Variants in ASAP1 observed in about 807,000 individuals in gnomAD.
ASAP1 encodes arf-GAP with SH3 domain, ANK repeat and PH domain-containing protein 1.
Under a neutral mutation model 145.2 loss-of-function variants are expected in ASAP1, and 43 were observed. The ratio of observed to expected loss-of-function variants is 0.30; its 90% CI spans 0.23 to 0.38. ASAP1 has a LOEUF of 0.38. ASAP1 is among the 10% of genes least tolerant of loss of function. The probability of loss-of-function intolerance (pLI) is 1.00; values close to 1 mark genes in which losing one functional copy is unlikely to be tolerated. For synonymous variants in ASAP1, 546 were observed against 515.5 expected (o/e 1.06, Z -0.80); for missense variants, 1,018 against 1,355.3 (o/e 0.75, Z 3.91).
chr8:130,419,108 C>A (rs1829610573), intron 1 of ASAP1, among the ~76,000 whole-genome samples: 1 of 152,192 alleles, frequency 6.6e-6, no homozygotes, highest in Admixed American at 6.5e-5. Flanking sequence ...CATTGTCTCA[C>A]CCCAGCCAGT....
At chr8:130,193,403 AC>A (rs1344749326) in intron 5 of ASAP1, among the ~76,000 whole-genome samples, 1 of 151,542 alleles carries the variant, frequency 6.6e-6, no homozygotes, top group Non-Finnish European at 1.5e-5. Context: ...GACAAAAAAA[AC>A]CCCCAAAAAA....
At chr8:130,104,530 C>G (rs971050162) in intron 24 of ASAP1, among the ~76,000 whole-genome samples, 3 of 152,236 alleles carry the variant, frequency 2.0e-5, no homozygotes, top group Non-Finnish European at 4.4e-5. Context: ...CCAATGGAAA[C>G]TGGACACAGC....
chr8:130,110,448 T>A (rs776099531), intron 24 of ASAP1, among the ~76,000 whole-genome samples: 2 of 152,208 alleles, frequency 1.3e-5, no homozygotes, highest in Non-Finnish European at 2.9e-5. Flanking sequence ...AGAAAGAGAA[T>A]CTCTGCTCTC....
chr8:130,180,729 T>C (rs1444566163), intron 8 of ASAP1, 22 bp downstream of exon 8: 1 of 1,598,224 alleles, frequency 6.3e-7, no homozygotes, highest in Admixed American at 1.8e-5. Flanking sequence ...TCTAGGCAAA[T>C]GGTGGAAAAG....
intron 24 of ASAP1, among the ~76,000 whole-genome samples, chr8:130,100,806 T>C (rs1257859713): frequency 6.6e-6 from 1 of 152,208 alleles, no homozygotes; most frequent in Admixed American, 6.5e-5. Context: ...TTTGCTCTGA[T>C]TGTTTCTTTT....
chr8:130,126,734 G>A (rs901748361), intron 16 of ASAP1, among the ~76,000 whole-genome samples: 3 of 152,138 alleles, frequency 2.0e-5, no homozygotes, highest in South Asian at 2.1e-4. Context: ...CTGACACTAC[G>A]TGTGTCACTA....
intron 1 of ASAP1, among the ~76,000 whole-genome samples, chr8:130,424,810 G>A (rs572886557): frequency 2.6e-5 from 4 of 152,112 alleles, no homozygotes; most frequent in African/African-American, 7.2e-5. Context: ...TGGCTAACAC[G>A]ATGAAACCCT....
intron 27 of ASAP1, among the ~76,000 whole-genome samples, chr8:130,069,386 G>GCCCGT (rs2097437221): frequency 2.0e-5 from 3 of 152,114 alleles, no homozygotes; most frequent in Non-Finnish European, 2.9e-5. Context: ...CAGGCATGTG[G>GCCCGT]CACCACGCCT....
At chr8:130,347,838 C>A (rs1224269119) in intron 3 of ASAP1, among the ~76,000 whole-genome samples, 2 of 152,208 alleles carry the variant, frequency 1.3e-5, no homozygotes, top group African/African-American at 4.8e-5. Flanking sequence ...AAAGAGAAGA[C>A]CCTCATTCTT....
At position 130,300,669 on chromosome 8, in the gene ASAP1, C is replaced by T. The variant is rs558119857; in HGVS notation, c.186+57348G>A. Among the ~76,000 whole-genome samples, 12 of 152,292 alleles carry T rather than the reference C, an allele frequency of 7.9e-5. No individual in the cohort carries two copies. The South Asian group carries it at 2.5e-3, about 32-fold the overall frequency. Reference sequence around the variant, plus strand: ...TCAACAGATAATGAAGTTGAAAGAACCTGAACTGGATTGGGAGATCAGAAA... The same window carrying T: ...TCAACAGATAATGAAGTTGAAAGAATCTGAACTGGATTGGGAGATCAGAAA... On this transcript the variant is annotated intron_variant, in intron 3 of 29. Coordinates refer to ENST00000518721, the MANE Select transcript of ASAP1 (RefSeq NM_018482.4).
chr8:130,358,663 G>C lies in ASAP1; in HGVS notation c.60-520C>G, dbSNP rs1826515488. On this transcript the variant is annotated intron_variant, in intron 2 of 29. Coordinates refer to ENST00000518721, the MANE Select transcript of ASAP1 (RefSeq NM_018482.4). This position sits in a 1 kb window ranked among gnomAD's most constrained non-coding sequence, Gnocchi z 4.1. Reference sequence around the variant, plus strand: ...GCGCTGCAGTCACGGGGCCAAACAAGGAAGTGCTCTGCGCACGCGCGCCGC... The same window carrying C: ...GCGCTGCAGTCACGGGGCCAAACAACGAAGTGCTCTGCGCACGCGCGCCGC... 1.4e-5 allele frequency among the ~76,000 whole-genome samples: 2 copies of C among 146,820 alleles called. No homozygotes were observed. The highest frequency in any genetic ancestry group is 3.0e-5 in the Non-Finnish European group (2 of 65,920).
chr8:130,082,937 A>C (rs905633966), intron 25 of ASAP1: 1 of 152,056 alleles, frequency 6.6e-6, no homozygotes, highest in Non-Finnish European at 1.5e-5. Context: ...TTCCCACTTA[A>C]ATGAGTTATA....
In ASAP1 at chr8:130,116,697, G is replaced by A; in HGVS notation, c.2045C>T (p.Ala682Val). The A allele has an allele frequency of 6.2e-7, 1 of 1,614,078 alleles. No individual in the cohort carries two copies. ...TALDIAKRLKATQCEDLLSQA... is the reference protein window; with the variant it reads ...TALDIAKRLKVTQCEDLLSQA... ...GCTTACCAGATCTTCACACTGGGTA[G>A]CTTTTAGTCTCTTTGCTATGTCTAG... The change falls in exon 22 of 30, where the codon GCT (alanine) becomes GTT (valine). Residue 682 changes from alanine (A) to valine (V), a missense_variant. Ala to Val is a moderately conservative substitution (Grantham distance 64). Transcript: ENST00000518721.
intron 24 of ASAP1, among the ~76,000 whole-genome samples, chr8:130,108,758 T>A (rs1468300230): frequency 1.1e-4 from 1 of 9,112 alleles, no homozygotes; most frequent in Non-Finnish European, 2.4e-4. Flanking sequence ...CAAAAACCAG[T>A]TTTTTTTTTT....
intron 25 of ASAP1, among the ~76,000 whole-genome samples, chr8:130,081,872 C>A (rs2097481337): frequency 6.6e-6 from 1 of 152,164 alleles, no homozygotes; most frequent in African/African-American, 2.4e-5. Context: ...TTACTGTGAG[C>A]AACATACTGT....
At chr8:130,211,534 A>G (rs1816581117) in intron 5 of ASAP1, among the ~76,000 whole-genome samples, 1 of 152,202 alleles carries the variant, frequency 6.6e-6, no homozygotes, top group South Asian at 2.1e-4. Flanking sequence ...AACACAATAC[A>G]CCTGCAATAG....
intron 16 of ASAP1, 113 bp downstream of exon 16, chr8:130,127,814 G>T: frequency 8.6e-7 from 1 of 1,158,390 alleles, no homozygotes; most frequent in Non-Finnish European, 1.2e-6. Context: ...TGTTTTGTGT[G>T]TGTATGTGAG....
intron 4 of ASAP1, among the ~76,000 whole-genome samples, chr8:130,226,493 AT>A (rs1229761591): frequency 4.6e-5 from 7 of 152,152 alleles, no homozygotes; most frequent in Admixed American, 1.3e-4. Flanking sequence ...CCCTGTGGAC[AT>A]TTTTTAAAAC....
chr8:130,250,473 T>C (rs939353177), intron 3 of ASAP1, among the ~76,000 whole-genome samples: 1 of 152,204 alleles, frequency 6.6e-6, no homozygotes, highest in Admixed American at 6.5e-5. Flanking sequence ...AGTTGCTTCA[T>C]GTTCCTAGTT....
Sources: allele counts gnomAD v4.1 joint callset (sites outside exome capture counted in the v4.1 genomes callset), GRCh38; gene constraint gnomAD v4.1.1; non-coding constraint Gnocchi (gnomAD v3.1); transcripts MANE v1.5; gene names NCBI Gene and HGNC (gene_info 2026-07-23, HGNC 2026-07-21).